Variants in ADGRG4 observed in about 807,000 individuals in gnomAD.
The protein encoded by ADGRG4 is adhesion G protein-coupled receptor G4, also known as G protein-coupled receptor 112.
ADGRG4 carries 122 observed loss-of-function variants against 126.2 expected under a neutral mutation model. That is an observed-to-expected ratio of 0.97 (90% CI 0.83 to 1.12). The LOEUF is 1.12. ADGRG4 is among the 50% of genes most tolerant of loss of function. The pLI, the probability that ADGRG4 is intolerant of heterozygous loss-of-function variation, is 0.00. For missense variants in ADGRG4, 2,481 were observed against 2,251.8 expected, an observed-to-expected ratio of 1.10 and a Z score of -2.06; for synonymous variants, 943 against 838.7, an observed-to-expected ratio of 1.12 and a Z score of -2.15.
At chrX:136,373,976 A>G (rs997196979) in intron 15 of ADGRG4, among the ~76,000 whole-genome samples, 6 of 111,401 alleles carry the variant, frequency 5.4e-5, no homozygotes, top group African/African-American at 1.6e-4. Flanking sequence ...TTAAAAAGAT[A>G]TAGAATATTA....
Position 136,387,826 on chromosome X carries a change from C to A in ADGRG4, c.7863C>A (p.Asn2621Lys). The part of the protein sequence containing the change: ...KSLTERIPLS[N>K]LQTILFNFFG... ...TGACGGAGAGAATTCCTCTTAGCAACTTACAAACGATCTTGTTTAATTTCT... is the reference window on the plus strand; with the variant it reads ...TGACGGAGAGAATTCCTCTTAGCAAATTACAAACGATCTTGTTTAATTTCT... Residue 2621 changes from asparagine to lysine, a missense_variant, in exon 16 of 26, where the codon AAC (asparagine) becomes AAA (lysine). Coordinates refer to ENST00000394143, the MANE Select transcript of ADGRG4 (RefSeq NM_153834.4). 11 of 1,208,096 alleles carry A rather than the reference C, an allele frequency of 9.1e-6. No homozygotes were observed. The highest frequency in any genetic ancestry group is 1.1e-5 in the Non-Finnish European group (10 of 892,556).
chrX:136,329,138 T>G (rs2074892970), intron 5 of ADGRG4, among the ~76,000 whole-genome samples: 1 of 111,702 alleles, frequency 9.0e-6, no homozygotes, highest in African/African-American at 3.3e-5. Context: ...TGGTCACCAT[T>G]ATCTCTCACA....
At chrX:136,366,455 G>A (rs1365759396) in intron 13 of ADGRG4, among the ~76,000 whole-genome samples, 1 of 112,372 alleles carries the variant, frequency 8.9e-6, no homozygotes, top group African/African-American at 3.2e-5. Context: ...GGACATCTTG[G>A]TTGCTTCCAA....
chrX:136,308,907 T>C, intron 4 of ADGRG4, 60 bp downstream of exon 4: 3 of 725,529 alleles, frequency 4.1e-6, no homozygotes, highest in Non-Finnish European at 4.2e-6. Context: ...GTTATAGAAA[T>C]AAACCATTTG....
At chrX:136,361,325 G>A (rs1056777640) in intron 11 of ADGRG4, 130 bp from the exon 12 acceptor site, 5 of 249,903 alleles carry the variant, frequency 2.0e-5, no homozygotes, top group African/African-American at 3.1e-5. Context: ...TGATCTTTAC[G>A]TGCAGCATAA....
At position 136,416,803 on chromosome X, in the gene ADGRG4, A is replaced by G. The variant is rs186040125; in HGVS notation, c.*312A>G. 2 of 182,112 alleles carry G rather than the reference A, an allele frequency of 1.1e-5. No individual in the cohort carries two copies. Among genetic ancestry groups the G allele is most frequent in the East Asian group, 1.0e-4 (1 of 9,568 alleles). The allele number at this position is 182,112 out of a possible 1,213,427, so 15.0% of individuals were successfully genotyped here. A position where few individuals can be genotyped will look rare whatever the true frequency, so the allele number is the denominator to read the frequency against. On this transcript the variant is annotated 3_prime_UTR_variant, in exon 26 of 26. Transcript: ENST00000394143. ...GGGGAAAAGGTTGAATTTGTGAAAC[A>G]ATCTGCTCCAACCTTCTATTTTAAT...
intron 18 of ADGRG4, among the ~76,000 whole-genome samples, chrX:136,394,651 C>A: frequency 8.9e-6 from 1 of 112,060 alleles, no homozygotes; most frequent in Non-Finnish European, 1.9e-5. Flanking sequence ...GGGGTACTCC[C>A]AGGTCACCCT....
rs763907204 is a variant in ADGRG4 at position 136,323,290 on chromosome X, G to A, written c.583G>A (p.Glu195Lys). ...ACTCTGGGACCACATCCTGGAAAAC[G>A]AAGAGTTTATGAAGTGTTTAGATGG... ...FQLWDHILEN[E>K]EFMKCLDGNI... The change falls in exon 5 of 26, where the codon GAA becomes AAA. Residue 195 changes from glutamate to lysine, a missense_variant. Coordinates refer to ENST00000394143, the MANE Select transcript of ADGRG4 (RefSeq NM_153834.4). 125 of 1,208,823 alleles carry A rather than the reference G, an allele frequency of 1.0e-4. No individual in the cohort carries two copies. The highest frequency in any genetic ancestry group is 1.3e-4 in the Non-Finnish European group (116 of 894,781).
chrX:136,317,057 A>G (rs1203192296), intron 4 of ADGRG4, among the ~76,000 whole-genome samples: 1 of 111,805 alleles, frequency 8.9e-6, no homozygotes, highest in African/African-American at 3.2e-5. Flanking sequence ...GTGTCCATGA[A>G]CTTGGACTTC....
chrX:136,405,166 A>G (rs1315598486), intron 22 of ADGRG4, among the ~76,000 whole-genome samples: 6 of 111,853 alleles, frequency 5.4e-5, no homozygotes, highest in Non-Finnish European at 1.1e-4. Context: ...TTTTTGTAGC[A>G]TTTTCATTAA....
rs193133628 is a variant in ADGRG4 at position 136,312,459 on chromosome X, C to G, written c.70+3612C>G. Among the ~76,000 whole-genome samples the G allele has an allele frequency of 1.3e-3, 141 of 111,188 alleles. 1 individual carries two copies. Among genetic ancestry groups the G allele is most frequent in the Middle Eastern group, 4.7e-3 (1 of 215 alleles). ...TTGGCAATATGGCAAAACCCCGTCT[C>G]TACTAAAAATACAAAAATGAGCTGG... On this transcript the variant is annotated intron_variant, in intron 4 of 25. Transcript: ENST00000394143.
Position 136,349,700 on chromosome X carries a change from A to G in ADGRG4, c.5994A>G (p.Gly1998=). The G allele has an allele frequency of 8.3e-7, 1 of 1,210,785 alleles. No individual in the cohort carries two copies. The highest frequency in any genetic ancestry group is 1.1e-6 in the Non-Finnish European group (1 of 895,044). ...LPSILSGATS[G]SVISKSPILT... ...CAATTCTTTCTGGTGCCACTTCAGGATCTGTAATTTCAAAGTCACCCATTC... is the reference window on the plus strand; with the variant it reads ...CAATTCTTTCTGGTGCCACTTCAGGGTCTGTAATTTCAAAGTCACCCATTC... Residue 1998 remains glycine (G), a synonymous_variant, in exon 6 of 26, where the codon GGA becomes GGG. Transcript: ENST00000394143.
intron 12 of ADGRG4, among the ~76,000 whole-genome samples, chrX:136,362,397 G>A (rs2075133590): frequency 9.0e-6 from 1 of 110,924 alleles, no homozygotes; most frequent in African/African-American, 3.3e-5. Flanking sequence ...TATTAGAGCG[G>A]TCTCCTTGCC....
intron 3 of ADGRG4, chrX:136,305,985 C>T (rs927624281): frequency 8.1e-5 from 9 of 111,635 alleles, no homozygotes; most frequent in African/African-American, 2.9e-4. Context: ...GATCAATAAG[C>T]CCCATAAAGC....
chrX:136,390,255 T>C (rs2075312890), intron 16 of ADGRG4, among the ~76,000 whole-genome samples: 1 of 111,268 alleles, frequency 9.0e-6, no homozygotes, highest in East Asian at 2.8e-4. Flanking sequence ...TCTCACTTTG[T>C]TGCCCAAGCT....
At chrX:136,333,967 T>C (rs1225693953) in intron 5 of ADGRG4, among the ~76,000 whole-genome samples, 3 of 111,996 alleles carry the variant, frequency 2.7e-5, no homozygotes, top group Non-Finnish European at 5.6e-5. Context: ...GATTTTCTCC[T>C]ATATTTTTTC....
intron 20 of ADGRG4, among the ~76,000 whole-genome samples, chrX:136,399,437 T>C (rs2075368010): frequency 9.0e-6 from 1 of 111,140 alleles, no homozygotes; most frequent in Non-Finnish European, 1.9e-5. Context: ...TAAGACCATA[T>C]TTCCATGAGG....
intron 23 of ADGRG4, among the ~76,000 whole-genome samples, chrX:136,411,756 G>A (rs1283060947): frequency 8.9e-6 from 1 of 112,090 alleles, no homozygotes; most frequent in Non-Finnish European, 1.9e-5. Flanking sequence ...TGTGCTTCCA[G>A]GAAGGCTCAT....
chrX:136,387,539 A>G (rs1467253552), intron 15 of ADGRG4, among the ~76,000 whole-genome samples: 1 of 111,156 alleles, frequency 9.0e-6, no homozygotes, highest in African/African-American at 3.3e-5. Flanking sequence ...GTTTGTGTCT[A>G]TGTCTGTGTG....
Sources: gnomAD v4.1 joint callset for allele counts (sites outside exome capture counted in the v4.1 genomes callset) on GRCh38, gnomAD v4.1.1 for gene constraint, MANE v1.5 for transcripts, NCBI Gene and HGNC (gene_info 2026-07-23, HGNC 2026-07-21) for gene names.